Variants in CEBPZ observed in about 807,000 individuals in gnomAD.
CEBPZ encodes CCAAT enhancer binding protein zeta, also known as CCAAT/enhancer-binding protein zeta.
CEBPZ carries 78 observed loss-of-function variants against 104.5 expected under a neutral mutation model. That is an observed-to-expected ratio of 0.75 (90% CI 0.62 to 0.90). The LOEUF (loss-of-function observed/expected upper bound fraction) is 0.90, where lower values mean the gene tolerates loss of function less well. Among genes scored for constraint, CEBPZ ranks in the 40% least tolerant of loss-of-function variants. The pLI is 0.00. For synonymous variants in CEBPZ, 470 were observed against 427.0 expected (o/e 1.10, Z -1.24); for missense variants, 1,439 against 1,233.5 (o/e 1.17, Z -2.50).
chr2:37,214,777 C>T (rs1572501410), intron 9 of CEBPZ, 109 bp downstream of exon 9: 5 of 669,106 alleles, frequency 7.5e-6, no homozygotes, highest in Non-Finnish European at 1.0e-5. Context: ...TATTTACACA[C>T]AGTAGTAGAT....
rs751394815 is a variant in CEBPZ, at chr2:37,228,727, T to G, written c.466A>C (p.Thr156Pro). Reference sequence around the variant, plus strand: ...TGTTTATCTTTCTTTACTTTCGGTGTGGTACTGCCATTCTCATCAGAATGT... The same window carrying G: ...TGTTTATCTTTCTTTACTTTCGGTGGGGTACTGCCATTCTCATCAGAATGT... Reference protein sequence around the residue: ...EPHSDENGSTTPKVKKDKQNI... With the variant: ...EPHSDENGSTPPKVKKDKQNI... Residue 156 changes from threonine to proline, a missense_variant, in exon 2 of 16, where the codon ACA becomes CCA. Thr to Pro is a conservative substitution (Grantham distance 38). Coordinates refer to ENST00000234170, the MANE Select transcript of CEBPZ (RefSeq NM_005760.3). 5 of 1,614,222 alleles carry G rather than the reference T, an allele frequency of 3.1e-6. No individual in the cohort carries two copies. The highest frequency in any genetic ancestry group is 4.2e-6 in the Non-Finnish European group (5 of 1,180,032).
intron 7 of CEBPZ, 23 bp from the exon 8 acceptor site, chr2:37,216,231 T>G (rs777361825): frequency 5.0e-6 from 8 of 1,609,170 alleles, no homozygotes; most frequent in Non-Finnish European, 6.8e-6. Flanking sequence ...ATTATGACAG[T>G]ATAATGCAAA....
chr2:37,214,669 C>A (rs764951533), intron 9 of CEBPZ, among the ~76,000 whole-genome samples: 3 of 152,082 alleles, frequency 2.0e-5, no homozygotes, highest in Admixed American at 6.6e-5. Flanking sequence ...TTAACAAACA[C>A]AGACATATCC....
chr2:37,202,292 T>C (rs1198401488), intron 15 of CEBPZ: 1 of 161,412 alleles, frequency 6.2e-6, no homozygotes, highest in Non-Finnish European at 1.3e-5. Context: ...CATGTTCTCC[T>C]GAGAGAAGAA....
Position 37,211,032 on chromosome 2 carries a change from T to C in CEBPZ, c.2851A>G (p.Thr951Ala), listed in dbSNP as rs1313575570. 1.1e-5 allele frequency: 17 copies of C among 1,612,004 alleles called. No individual in the cohort carries two copies. The highest frequency in any genetic ancestry group is 1.4e-5 in the Non-Finnish European group (16 of 1,179,186). The part of the protein sequence containing the change: ...VSTKKSKRKG[T>A]DDFDFAGSFQ... ...GAGCCAGCAAAGTCAAAATCATCTG[T>C]ACCTTTTCTCTTGCTTTTCTTAGTA... is the stretch of plus-strand genomic sequence containing the variant. Residue 951 changes from threonine to alanine, a missense_variant, in exon 13 of 16, where the codon ACA becomes GCA. Transcript: ENST00000234170.
intron 4 of CEBPZ, among the ~76,000 whole-genome samples, chr2:37,221,023 C>T (rs756326158): frequency 6.6e-6 from 1 of 152,002 alleles, no homozygotes; most frequent in Non-Finnish European, 1.5e-5. Context: ...AAGCTCCCTT[C>T]AAAACTTCTC....
At chr2:37,217,669 G>A (rs1355777165) in intron 5 of CEBPZ, among the ~76,000 whole-genome samples, 6 of 151,810 alleles carry the variant, frequency 4.0e-5, no homozygotes, top group Non-Finnish European at 8.8e-5. Context: ...TTGGGAGGCT[G>A]AGGTGGGCGG....
chr2:37,224,707 A>G (rs1265621182), intron 2 of CEBPZ, among the ~76,000 whole-genome samples: 2 of 145,508 alleles, frequency 1.4e-5, no homozygotes, highest in African/African-American at 5.5e-5. Context: ...TATTTTCCTA[A>G]TGTTTTGATA....
rs887306266 is a variant in CEBPZ, at chr2:37,211,935, A to G, written c.2708T>C (p.Leu903Ser). Residue 903 changes from leucine to serine, a missense_variant, in exon 12 of 16, where the codon TTA becomes TCA. Coordinates refer to ENST00000234170, the MANE Select transcript of CEBPZ (RefSeq NM_005760.3). The stretch of plus-strand genomic sequence containing the variant: ...AAATTCTTCATCATCCATACTTCCT[A>G]AAGAAACTTCATCGTCATCCAGGTT... ...LGNLDDDEVSLGSMDDEEFAE... is the reference protein window; with the variant it reads ...LGNLDDDEVSSGSMDDEEFAE... 6 of 1,613,602 alleles carry G rather than the reference A, an allele frequency of 3.7e-6. No individual in the cohort carries two copies. Among genetic ancestry groups the G allele is most frequent in the Non-Finnish European group, 5.1e-6 (6 of 1,179,836 alleles).
intron 4 of CEBPZ, among the ~76,000 whole-genome samples, chr2:37,221,724 T>C (rs1224379164): frequency 6.6e-6 from 1 of 152,234 alleles, no homozygotes; most frequent in African/African-American, 2.4e-5. Context: ...ACTTCTCTTT[T>C]GTACTTCACA....
At chr2:37,204,014 G>A (rs1677417679) in intron 13 of CEBPZ, 4 of 152,118 alleles carry the variant, frequency 2.6e-5, no homozygotes, top group South Asian at 4.1e-4. Context: ...CTTTGTATCA[G>A]AGCCACTTTT....
At chr2:37,229,961 T>G (rs187692220) in intron 1 of CEBPZ, among the ~76,000 whole-genome samples, 28 of 152,292 alleles carry the variant, frequency 1.8e-4, no homozygotes, top group African/African-American at 6.7e-4. Flanking sequence ...CCCAAAGTGC[T>G]GGGATTATGG....
chr2:37,231,029 C>T (rs1572513974), intron 1 of CEBPZ, among the ~76,000 whole-genome samples: 1 of 152,286 alleles, frequency 6.6e-6, no homozygotes, highest in Non-Finnish European at 1.5e-5. Context: ...CTGGGGCATA[C>T]AGTGACACGT....
At chr2:37,206,588 C>G (rs1419362152) in intron 13 of CEBPZ, among the ~76,000 whole-genome samples, 1 of 152,166 alleles carries the variant, frequency 6.6e-6, no homozygotes, top group South Asian at 2.1e-4. Context: ...GAACTCCTGA[C>G]TTCAGGTGAT....
intron 2 of CEBPZ, 61 bp downstream of exon 2, chr2:37,227,483 C>T: frequency 6.7e-7 from 1 of 1,494,348 alleles, no homozygotes; most frequent in South Asian, 1.4e-5. Flanking sequence ...GAGGGCACTG[C>T]TTGTGCTGTA....
At chr2:37,205,133 A>C (rs909864565) in intron 13 of CEBPZ, among the ~76,000 whole-genome samples, 5 of 152,238 alleles carry the variant, frequency 3.3e-5, no homozygotes, top group African/African-American at 1.2e-4. Flanking sequence ...TTACAGGACT[A>C]AGAAATTGAC....
intron 15 of CEBPZ, chr2:37,202,166 T>A: frequency 8.4e-6 from 2 of 237,846 alleles, no homozygotes; most frequent in Non-Finnish European, 7.9e-6. Context: ...ACTGGTGAAA[T>A]AAAAACCAGT....
Position 37,212,001 on chromosome 2 carries a change from G to C in CEBPZ, c.2642C>G (p.Thr881Arg). 6.2e-7 allele frequency: 1 copy of C among 1,606,068 alleles called. No homozygotes were observed. Among genetic ancestry groups the C allele is most frequent in the Non-Finnish European group, 8.5e-7 (1 of 1,177,948 alleles). Residue 881 changes from threonine (T) to arginine (R), a missense_variant, in exon 12 of 16, where the codon ACA becomes AGA. Thr to Arg is a moderately conservative substitution (Grantham distance 71). Coordinates refer to ENST00000234170, the MANE Select transcript of CEBPZ (RefSeq NM_005760.3). ...KKRTKGAKDN[T>R]LDEDSEGSDD... ...ACTACCTTCTGAATCTTCATCTAAT[G>C]TGTTATCCTTAGCTCCTTTTGTTCT...
intron 5 of CEBPZ, among the ~76,000 whole-genome samples, 183 bp downstream of exon 5, chr2:37,220,202 A>T: frequency 6.6e-6 from 1 of 151,934 alleles, no homozygotes; most frequent in East Asian, 1.9e-4. Flanking sequence ...CTGTAATCCC[A>T]GCTACTTGGG....
Sources: allele counts gnomAD v4.1 joint callset (sites outside exome capture counted in the v4.1 genomes callset), GRCh38; gene constraint gnomAD v4.1.1; transcripts MANE v1.5; gene names NCBI Gene and HGNC (gene_info 2026-07-23, HGNC 2026-07-21).